Variants in AGPAT4 observed in about 807,000 individuals in gnomAD.
AGPAT4 encodes the protein 1-acyl-sn-glycerol-3-phosphate acyltransferase delta.
A neutral mutation model predicts 48.0 loss-of-function variants in AGPAT4; 15 were observed. That is an observed-to-expected ratio of 0.31 (90% CI 0.21 to 0.48). The LOEUF is 0.48. AGPAT4 is among the 20% of genes least tolerant of loss of function. The pLI is 0.99. For missense variants in AGPAT4, 314 were observed against 482.5 expected, an observed-to-expected ratio of 0.65 and a Z score of 3.27; for synonymous variants, 178 against 198.7, an observed-to-expected ratio of 0.90 and a Z score of 0.88.
rs764351447 is a variant in AGPAT4, at chr6:161,261,468, G to T, written c.-90+12470C>A. ...GGTGGTTAATAAATATCCATAGAAT[G>T]AATGAACTGAATGGTCAGTCACATT... On this transcript the variant is annotated intron_variant, in intron 1 of 8. Coordinates refer to ENST00000320285, the MANE Select transcript of AGPAT4 (RefSeq NM_020133.3). The surrounding 1 kb of genome is among the most constrained non-coding windows in gnomAD (Gnocchi z 5.3). Among the ~76,000 whole-genome samples, 1 of 152,194 alleles carries T rather than the reference G, an allele frequency of 6.6e-6. No homozygotes were observed. Among genetic ancestry groups the T allele is most frequent in the Non-Finnish European group, 1.5e-5 (1 of 68,036 alleles).
chr6:161,265,181 G>A (rs1011671691), intron 1 of AGPAT4, among the ~76,000 whole-genome samples: 10 of 118,378 alleles, frequency 8.4e-5, no homozygotes, highest in Non-Finnish European at 1.4e-4. Flanking sequence ...AGTACCCACC[G>A]CTGGACTGGG....
At chr6:161,186,166 G>GGGA (rs1780762314) in intron 2 of AGPAT4, among the ~76,000 whole-genome samples, 1 of 152,084 alleles carries the variant, frequency 6.6e-6, no homozygotes, top group African/African-American at 2.4e-5. Flanking sequence ...GACTGACTAT[G>GGGA]GGCAGCTCCA....
chr6:161,158,812 GGTGCTGC>G lies in AGPAT4; in HGVS notation c.349-4509_349-4503del, dbSNP rs1779839029. On this transcript the variant is annotated intron_variant, in intron 3 of 8. Coordinates refer to ENST00000320285, the MANE Select transcript of AGPAT4 (RefSeq NM_020133.3). This position sits in a 1 kb window ranked among gnomAD's most constrained non-coding sequence, Gnocchi z 5.3. The stretch of plus-strand genomic sequence containing the variant: ...GCTTCAGATGAAGATTCCAAACCCC[GGTGCTGC>G]GAGCAGCATGGCTGGGAGCAGCAGG... Among the ~76,000 whole-genome samples the G allele has an allele frequency of 6.6e-6, 1 of 150,792 alleles. No individual in the cohort carries two copies. The highest frequency in any genetic ancestry group is 2.5e-5 in the African/African-American group (1 of 40,156).
At chr6:161,170,180 C>G (rs1238127503) in intron 2 of AGPAT4, among the ~76,000 whole-genome samples, 1 of 152,126 alleles carries the variant, frequency 6.6e-6, no homozygotes, top group Non-Finnish European at 1.5e-5. Flanking sequence ...ATCCATCGCC[C>G]CTTCCTGACC....
intron 5 of AGPAT4, among the ~76,000 whole-genome samples, chr6:161,151,933 A>G (rs1374754828): frequency 2.0e-5 from 3 of 152,206 alleles, no homozygotes; most frequent in Non-Finnish European, 4.4e-5. Flanking sequence ...CCTTGGGCTG[A>G]GCCCAGAGCA....
At position 161,249,031 on chromosome 6, in the gene AGPAT4, T is replaced by C. The variant is rs117721010; in HGVS notation, c.-89-16729A>G. Among the ~76,000 whole-genome samples the C allele has an allele frequency of 9.4e-3, 1,433 of 152,264 alleles. 10 individuals are homozygous for C. Among genetic ancestry groups the C allele is most frequent in the Non-Finnish European group, 0.014 (952 of 68,018 alleles). ...AGGCCACACACCTACAACTATCTTA[T>C]CTTCAACAAAGCTGACAAAAACAAG... On this transcript the variant is annotated intron_variant, in intron 1 of 8. Transcript: ENST00000320285. This position sits in a 1 kb window ranked among gnomAD's most constrained non-coding sequence, Gnocchi z 6.2.
Position 161,217,218 on chromosome 6 carries a change from G to A in AGPAT4, c.178+14818C>T, listed in dbSNP as rs866409566. Among the ~76,000 whole-genome samples the A allele has an allele frequency of 3.3e-5, 5 of 152,226 alleles. No individual in the cohort carries two copies. In the South Asian group the frequency reaches 6.2e-4, roughly 19 times the overall value. On this transcript the variant is annotated intron_variant, in intron 2 of 8. Transcript: ENST00000320285. The surrounding 1 kb of genome is among the most constrained non-coding windows in gnomAD (Gnocchi z 4.9). Reference sequence around the variant, plus strand: ...GGAACACCGGAGAACTCGGTCATCCGCTTGGGAGCCAGGGACATGCTGAGC... The same window carrying A: ...GGAACACCGGAGAACTCGGTCATCCACTTGGGAGCCAGGGACATGCTGAGC...
At position 161,198,340 on chromosome 6, in the gene AGPAT4, C is replaced by A. The variant is rs773008661; in HGVS notation, c.179-31923G>T. Among the ~76,000 whole-genome samples, 3 of 152,202 alleles carry A rather than the reference C, an allele frequency of 2.0e-5. No homozygotes were observed. The highest frequency in any genetic ancestry group is 2.0e-4 in the Admixed American group (3 of 15,280). On this transcript the variant is annotated intron_variant, in intron 2 of 8. Transcript: ENST00000320285. This position sits in a 1 kb window ranked among gnomAD's most constrained non-coding sequence, Gnocchi z 4.3. Reference sequence around the variant, plus strand: ...ATCCCCTCTCCTCCGGGGCATTTGGCAATGTCTGGAGACATTTTTCATTGT... The same window carrying A: ...ATCCCCTCTCCTCCGGGGCATTTGGAAATGTCTGGAGACATTTTTCATTGT...
chr6:161,132,663 C>G lies in AGPAT4; in HGVS notation c.*3877G>C, dbSNP rs906152006. The G allele has an allele frequency of 2.0e-5, 3 of 152,308 alleles. No homozygotes were observed. The highest frequency in any genetic ancestry group is 7.2e-5 in the African/African-American group (3 of 41,476). 9.4% of individuals were successfully genotyped at this position (152,308 alleles called of 1,614,324 possible). ...GAAAGCATTGGCAAAGCCAGCACAT[C>G]TGTGAGCATGTTACACATGGGCTTG... On this transcript the variant is annotated 3_prime_UTR_variant, in exon 9 of 9. Coordinates refer to ENST00000320285, the MANE Select transcript of AGPAT4 (RefSeq NM_020133.3).
Position 161,267,392 on chromosome 6 carries a change from C to T in AGPAT4, c.-90+6546G>A, listed in dbSNP as rs1015597503. Among the ~76,000 whole-genome samples, 15 of 152,098 alleles carry T rather than the reference C, an allele frequency of 9.9e-5. No homozygotes were observed. Among genetic ancestry groups the T allele is most frequent in the Admixed American group, 3.3e-4 (5 of 15,254 alleles). ...GATGAAAGGCATGCAGAGGTCTACACGGTAGAGATTTGTTCATTATTTGAA... is the reference window on the plus strand; with the variant it reads ...GATGAAAGGCATGCAGAGGTCTACATGGTAGAGATTTGTTCATTATTTGAA... On this transcript the variant is annotated intron_variant, in intron 1 of 8. Coordinates refer to ENST00000320285, the MANE Select transcript of AGPAT4 (RefSeq NM_020133.3). This position sits in a 1 kb window ranked among gnomAD's most constrained non-coding sequence, Gnocchi z 5.2.
In AGPAT4 at chr6:161,267,298, T is replaced by G. The variant is rs982689926; in HGVS notation, c.-90+6640A>C. On this transcript the variant is annotated intron_variant, in intron 1 of 8. Transcript: ENST00000320285. The surrounding 1 kb of genome is among the most constrained non-coding windows in gnomAD (Gnocchi z 5.2). ...AGTAGCTTGTCTTATAAAGTACTGC[T>G]GTTAGTTTTTCTCCAAATTCTAAAA... 2.0e-5 allele frequency among the ~76,000 whole-genome samples: 3 copies of G among 152,242 alleles called. No individual in the cohort carries two copies. Among genetic ancestry groups the G allele is most frequent in the Non-Finnish European group, 1.5e-5 (1 of 68,042 alleles).
rs1164694975 is a variant in AGPAT4 at position 161,139,469 on chromosome 6, C to T, written c.995G>A (p.Ser332Asn). The T allele has an allele frequency of 6.2e-7, 1 of 1,614,000 alleles. No individual in the cohort carries two copies. Among genetic ancestry groups the T allele is most frequent in the Non-Finnish European group, 8.5e-7 (1 of 1,180,028 alleles). ...GCTGGCCAGCGTCAGGGAAGACCCGCTCCTGATCATGCTGACCAGGAACTG... is the reference window on the plus strand; with the variant it reads ...GCTGGCCAGCGTCAGGGAAGACCCGTTCCTGATCATGCTGACCAGGAACTG... ...FFQFLVSMIR[S>N]GSSLTLASFI... The change falls in exon 8 of 9, where the codon AGC (serine) becomes AAC (asparagine). Residue 332 changes from serine to asparagine, a missense_variant. Physicochemically the swap from Ser to Asn is conservative, Grantham distance 46. Coordinates refer to ENST00000320285, the MANE Select transcript of AGPAT4 (RefSeq NM_020133.3). The surrounding 1 kb of genome is among the most constrained non-coding windows in gnomAD (Gnocchi z 9.1).
chr6:161,203,716 G>A (rs146297644), intron 2 of AGPAT4, among the ~76,000 whole-genome samples: 8 of 152,174 alleles, frequency 5.3e-5, no homozygotes, highest in African/African-American at 1.9e-4. Flanking sequence ...GATTACAGGT[G>A]TGAGCCACAG....
At chr6:161,209,080 G>A (rs962981635) in intron 2 of AGPAT4, among the ~76,000 whole-genome samples, 1 of 152,226 alleles carries the variant, frequency 6.6e-6, no homozygotes, top group African/African-American at 2.4e-5. Context: ...CCATAAATCA[G>A]CTTGAAACCT....
At chr6:161,153,878 TGGTCACACACAGCCCTGG>T (rs367745293) in intron 4 of AGPAT4, among the ~76,000 whole-genome samples, 2,572 of 103,856 alleles carry the variant, frequency 0.025, 39 homozygotes, top group African/African-American at 0.066. Flanking sequence ...CACGGCCCCA[TGGTCACACACAGCCCTGG>T]GGTCACACAC....
chr6:161,254,647 T>C lies in AGPAT4; in HGVS notation c.-90+19291A>G, dbSNP rs914876463. Among the ~76,000 whole-genome samples the C allele has an allele frequency of 8.5e-5, 13 of 152,172 alleles. No homozygotes were observed. The highest frequency in any genetic ancestry group is 1.5e-4 in the Non-Finnish European group (10 of 68,024). Reference sequence around the variant, plus strand: ...TTCTTACAAACCCTCCAGCTTCCATTCCACTCAGTCCTTCTCATGGAAAGC... The same window carrying C: ...TTCTTACAAACCCTCCAGCTTCCATCCCACTCAGTCCTTCTCATGGAAAGC... On this transcript the variant is annotated intron_variant, in intron 1 of 8. Transcript: ENST00000320285. This position sits in a 1 kb window ranked among gnomAD's most constrained non-coding sequence, Gnocchi z 5.9.
rs776145197 is a variant in AGPAT4, at chr6:161,153,415, G to A, written c.595C>T (p.Arg199Cys). ...CGTGGCAACAGGTGATGCTTGAGGCGAGGCAGCCCCTTGGCCCGGGCCACC... is the reference window on the plus strand; with the variant it reads ...CGTGGCAACAGGTGATGCTTGAGGCAAGGCAGCCCCTTGGCCCGGGCCACC... ...MQVARAKGLPRLKHHLLPRTK... is the reference protein window; with the variant it reads ...MQVARAKGLPCLKHHLLPRTK... The change falls in exon 5 of 9, where the codon CGC becomes TGC. Residue 199 changes from arginine (R) to cysteine (C), a missense_variant. Transcript: ENST00000320285. The A allele has an allele frequency of 5.0e-6, 8 of 1,611,848 alleles. No homozygotes were observed. Among genetic ancestry groups the A allele is most frequent in the African/African-American group, 1.3e-5 (1 of 75,042 alleles).
At position 161,143,413 on chromosome 6, in the gene AGPAT4, T is replaced by A. The variant is rs545578512; in HGVS notation, c.843+3111A>T. ...CCTATTTCTTAATTTGCACTATTAATGGCCAAGTTATAGTCCCTTCTGCAA... is the reference window on the plus strand; with the variant it reads ...CCTATTTCTTAATTTGCACTATTAAAGGCCAAGTTATAGTCCCTTCTGCAA... On this transcript the variant is annotated intron_variant, in intron 7 of 8. Coordinates refer to ENST00000320285, the MANE Select transcript of AGPAT4 (RefSeq NM_020133.3). The surrounding 1 kb of genome is among the most constrained non-coding windows in gnomAD (Gnocchi z 4.7). 6.6e-6 allele frequency among the ~76,000 whole-genome samples: 1 copy of A among 152,334 alleles called. No individual in the cohort carries two copies. The highest frequency in any genetic ancestry group is 2.1e-4 in the South Asian group (1 of 4,824).
In AGPAT4 at chr6:161,148,590, G is replaced by A. The variant is rs946750238; in HGVS notation, c.767+597C>T. ...AACAAACCAATACGGTCCCTGACCC[G>A]TCACACTGGGTTTTAATGCATGAAC... On this transcript the variant is annotated intron_variant, in intron 6 of 8. Coordinates refer to ENST00000320285, the MANE Select transcript of AGPAT4 (RefSeq NM_020133.3). This position sits in a 1 kb window ranked among gnomAD's most constrained non-coding sequence, Gnocchi z 5.5. 7.2e-5 allele frequency among the ~76,000 whole-genome samples: 11 copies of A among 152,210 alleles called. No individual in the cohort carries two copies. The highest frequency in any genetic ancestry group is 2.6e-4 in the Admixed American group (4 of 15,292).
Sources: allele counts gnomAD v4.1 joint callset (sites outside exome capture counted in the v4.1 genomes callset), GRCh38; gene constraint gnomAD v4.1.1; non-coding constraint Gnocchi (gnomAD v3.1); transcripts MANE v1.5; gene names NCBI Gene and HGNC (gene_info 2026-07-23, HGNC 2026-07-21).